The following GRM5 variants were observed in gnomAD, a reference collection of about 807,000 sequenced individuals.
GRM5 encodes the protein metabotropic glutamate receptor 5.
Under a neutral mutation model 83.1 loss-of-function variants are expected in GRM5, and 19 were observed. The ratio of observed to expected loss-of-function variants is 0.23; its 90% CI spans 0.16 to 0.34. The LOEUF (loss-of-function observed/expected upper bound fraction) is 0.34. Among genes scored for constraint, GRM5 ranks in the 10% least tolerant of loss-of-function variants. The pLI, the probability that GRM5 is intolerant of heterozygous loss-of-function variation, is 1.00. For missense variants in GRM5, 1,160 were observed against 1,588.3 expected (o/e 0.73, Z 4.58); for synonymous variants, 675 against 633.6 (o/e 1.07, Z -0.98).
intron 2 of GRM5, among the ~76,000 whole-genome samples, chr11:88,967,101 G>T (rs1352855678): frequency 6.6e-6 from 1 of 151,836 alleles, no homozygotes; most frequent in Non-Finnish European, 1.5e-5. Flanking sequence ...ATATTTTATA[G>T]AAGACATTTT....
intron 3 of GRM5, among the ~76,000 whole-genome samples, chr11:88,764,518 A>T (rs561761557): frequency 6.6e-6 from 1 of 151,848 alleles, no homozygotes; most frequent in African/African-American, 2.4e-5. Context: ...CTCTGACTAC[A>T]AAAGAGTGAA....
At chr11:88,775,079 T>A (rs1196228216) in intron 3 of GRM5, among the ~76,000 whole-genome samples, 3 of 152,166 alleles carry the variant, frequency 2.0e-5, no homozygotes, top group Non-Finnish European at 4.4e-5. Flanking sequence ...CTGGACTTTT[T>A]TTGGTTGGTA....
rs1294986344 is a variant in GRM5, at chr11:88,668,595, A to G, written c.912-15192T>C. Reference sequence around the variant, plus strand: ...TGTCCAGCAATGTATAGAAATGCCAATACTCATTCAAATTTGGTATACCCC... The same window carrying G: ...TGTCCAGCAATGTATAGAAATGCCAGTACTCATTCAAATTTGGTATACCCC... On this transcript the variant is annotated intron_variant, in intron 3 of 9. Coordinates refer to ENST00000305447, the MANE Select transcript of GRM5 (RefSeq NM_001143831.3). 3.9e-5 allele frequency among the ~76,000 whole-genome samples: 6 copies of G among 152,290 alleles called. No individual in the cohort carries two copies. The East Asian group carries it at 9.6e-4, about 24-fold the overall frequency.
intron 2 of GRM5, among the ~76,000 whole-genome samples, chr11:89,025,349 A>C (rs1941103680): frequency 6.6e-6 from 1 of 152,184 alleles, no homozygotes; most frequent in South Asian, 2.1e-4. Flanking sequence ...ACAAGAGACA[A>C]CATGGAAAGG....
chr11:89,014,220 A>G (rs1940788959), intron 2 of GRM5, among the ~76,000 whole-genome samples: 1 of 152,140 alleles, frequency 6.6e-6, no homozygotes, highest in Non-Finnish European at 1.5e-5. Flanking sequence ...TGTTGCTAGT[A>G]ACTCCACCTC....
intron 9 of GRM5, among the ~76,000 whole-genome samples, chr11:88,509,968 G>C (rs534393629): frequency 6.6e-6 from 1 of 152,280 alleles, no homozygotes; most frequent in Admixed American, 6.5e-5. Context: ...CAGAGAGGAG[G>C]GAAGGGGTAA....
chr11:88,685,994 G>C (rs1374666900), intron 3 of GRM5, among the ~76,000 whole-genome samples: 1 of 152,164 alleles, frequency 6.6e-6, no homozygotes, highest in African/African-American at 2.4e-5. Context: ...ACCTAGTGGA[G>C]ATGTGAGAAG....
At chr11:88,881,522 AT>A (rs11340509) in intron 2 of GRM5, among the ~76,000 whole-genome samples, 40,928 of 152,036 alleles carry the variant, frequency 0.27, 5,809 homozygotes, top group South Asian at 0.52. Context: ...GGTTTCAGTT[AT>A]ATGGAATAGC....
At chr11:88,971,083 T>C (rs1231350427) in intron 2 of GRM5, among the ~76,000 whole-genome samples, 2 of 152,072 alleles carry the variant, frequency 1.3e-5, no homozygotes, top group African/African-American at 4.8e-5. Flanking sequence ...TTTAGGGTAG[T>C]GGAAAACATA....
intron 8 of GRM5, among the ~76,000 whole-genome samples, chr11:88,530,450 T>G (rs2135116249): frequency 6.6e-6 from 1 of 152,210 alleles, no homozygotes; most frequent in South Asian, 2.1e-4. Context: ...TTTTTGTTGT[T>G]GTTGTTCTTC....
intron 4 of GRM5, among the ~76,000 whole-genome samples, chr11:88,627,910 A>T (rs933660442): frequency 6.6e-6 from 1 of 152,182 alleles, no homozygotes; most frequent in Non-Finnish European, 1.5e-5. Context: ...AACAATTAAG[A>T]TATAGAAGAA....
chr11:88,679,659 T>A (rs750909134), intron 3 of GRM5, among the ~76,000 whole-genome samples: 7 of 152,130 alleles, frequency 4.6e-5, no homozygotes, highest in Non-Finnish European at 7.4e-5. Flanking sequence ...CTTTTATGAG[T>A]CCCTTTAATT....
chr11:88,614,386 A>C (rs1274663336), intron 4 of GRM5, among the ~76,000 whole-genome samples: 1 of 152,200 alleles, frequency 6.6e-6, no homozygotes, highest in Non-Finnish European at 1.5e-5. Flanking sequence ...ACTGTGTCAA[A>C]ATGTAAATCA....
intron 2 of GRM5, among the ~76,000 whole-genome samples, chr11:88,914,660 T>C (rs1005888910): frequency 9.9e-5 from 15 of 152,180 alleles, no homozygotes; most frequent in Non-Finnish European, 1.9e-4. Context: ...AATCCCAAGG[T>C]AGGATCCATA....
chr11:89,028,257 C>T (rs189537003), intron 2 of GRM5, among the ~76,000 whole-genome samples: 49 of 152,006 alleles, frequency 3.2e-4, no homozygotes, highest in African/African-American at 1.2e-3. Flanking sequence ...GCACTTATCC[C>T]AATTTTTATT....
intron 2 of GRM5, among the ~76,000 whole-genome samples, chr11:88,915,442 T>C (rs1352780081): frequency 6.6e-6 from 1 of 152,076 alleles, no homozygotes; most frequent in Non-Finnish European, 1.5e-5. Flanking sequence ...ATGTAATTAA[T>C]TGAAAATAAG....
chr11:88,575,295 TA>T (rs1943086891), intron 7 of GRM5, among the ~76,000 whole-genome samples: 1 of 152,204 alleles, frequency 6.6e-6, no homozygotes, highest in East Asian at 1.9e-4. Flanking sequence ...ATCATCATAA[TA>T]AAAAATGAGG....
chr11:88,989,535 C>T (rs1939881957), intron 2 of GRM5, among the ~76,000 whole-genome samples: 3 of 135,012 alleles, frequency 2.2e-5, no homozygotes. Context: ...CAGAACTCTC[C>T]ATCCCAAATC....
chr11:89,033,558 A>AT (rs1009086833), intron 2 of GRM5, among the ~76,000 whole-genome samples: 68 of 152,008 alleles, frequency 4.5e-4, no homozygotes, highest in Non-Finnish European at 8.0e-4. Context: ...TCTAAAGGAC[A>AT]TTTTTTTATC....
Sources: gnomAD v4.1 joint callset for allele counts (sites outside exome capture counted in the v4.1 genomes callset) on GRCh38, gnomAD v4.1.1 for gene constraint, MANE v1.5 for transcripts, NCBI Gene and HGNC (gene_info 2026-07-23, HGNC 2026-07-21) for gene names.